CTIF: variants seen among roughly 807,000 people sequenced by gnomAD.
CTIF encodes CBP80/20-dependent translation initiation factor.
In CTIF, 21 loss-of-function variants were observed where a neutral mutation model predicts 66.0. That is an observed-to-expected ratio of 0.32 (90% CI 0.23 to 0.46). The LOEUF (loss-of-function observed/expected upper bound fraction) is 0.46, where lower values mean the gene tolerates loss of function less well. Ranked by LOEUF, CTIF falls within the 20% of genes least tolerant of loss-of-function variation. CTIF has a pLI of 1.00. For synonymous variants in CTIF, 345 were observed against 326.4 expected (o/e 1.06, Z -0.62); for missense variants, 739 against 812.7 (o/e 0.91, Z 1.10).
chr18:48,637,436 C>T (rs551873754), intron 3 of CTIF, among the ~76,000 whole-genome samples: 1 of 152,316 alleles, frequency 6.6e-6, no homozygotes, highest in South Asian at 2.1e-4. Flanking sequence ...AAACATGTGT[C>T]CCCATCCCGA....
chr18:48,663,519 C>G (rs1225523108), intron 3 of CTIF, among the ~76,000 whole-genome samples: 3 of 152,042 alleles, frequency 2.0e-5, no homozygotes, highest in African/African-American at 7.2e-5. Context: ...CCTGGGGCAG[C>G]AGGGGCCTGG....
chr18:48,745,660 C>T (rs1218147257), intron 7 of CTIF, among the ~76,000 whole-genome samples: 6 of 152,212 alleles, frequency 3.9e-5, no homozygotes, highest in African/African-American at 1.4e-4. Flanking sequence ...ACTAGGAGAG[C>T]AGGTCCTTGT....
intron 7 of CTIF, 93 bp downstream of exon 7, chr18:48,711,788 A>G: frequency 1.9e-6 from 2 of 1,069,010 alleles, no homozygotes; most frequent in Non-Finnish European, 2.9e-6. Flanking sequence ...CGCTTTTCCC[A>G]GTCACCAGCT....
At chr18:48,715,203 A>T (rs80258385) in intron 7 of CTIF, among the ~76,000 whole-genome samples, 3,667 of 152,224 alleles carry the variant, frequency 0.024, 141 homozygotes, top group African/African-American at 0.082. Context: ...TCTGCTCCTG[A>T]TGCCATGGGC....
chr18:48,597,549 T>C (rs1339923094), intron 1 of CTIF, among the ~76,000 whole-genome samples: 1 of 151,682 alleles, frequency 6.6e-6, no homozygotes, highest in Admixed American at 6.6e-5. Context: ...TAAAAGTGTG[T>C]GGTACCCTCC....
intron 3 of CTIF, among the ~76,000 whole-genome samples, chr18:48,650,693 C>T (rs150503110): frequency 0.014 from 2,104 of 151,886 alleles, 53 homozygotes; most frequent in African/African-American, 0.048. Flanking sequence ...AAGGTTGAAA[C>T]GAAGGAAAAA....
chr18:48,638,921 G>A lies in CTIF; in HGVS notation c.252+2236G>A, dbSNP rs578219276. Among the ~76,000 whole-genome samples the A allele has an allele frequency of 9.2e-5, 14 of 152,354 alleles. No individual in the cohort carries two copies. The South Asian group carries it at 2.9e-3, about 32-fold the overall frequency. On this transcript the variant is annotated intron_variant, in intron 3 of 11. Coordinates refer to ENST00000256413, the MANE Select transcript of CTIF (RefSeq NM_014772.3). ...CATGCCCAGAGGCAAGGTTTTGTGG[G>A]AGGGACCTCCTACAGGCCTTAGGGG...
chr18:48,815,889 C>G (rs899980945), intron 9 of CTIF, among the ~76,000 whole-genome samples: 60 of 152,048 alleles, frequency 3.9e-4, no homozygotes, highest in African/African-American at 1.4e-3. Context: ...TCACCCAGAC[C>G]AAGAATCTTG....
At chr18:48,580,624 G>T (rs557692185) in intron 1 of CTIF, among the ~76,000 whole-genome samples, 2 of 152,268 alleles carry the variant, frequency 1.3e-5, no homozygotes, top group East Asian at 3.9e-4. Flanking sequence ...AGAAAGTGGG[G>T]TTTTTGACTG....
rs534367286 is a variant in CTIF, at chr18:48,546,291, A to G, written c.-29+6979A>G. Among the ~76,000 whole-genome samples the G allele has an allele frequency of 1.5e-4, 23 of 152,318 alleles. No homozygotes were observed. The Middle Eastern group carries it at 0.01, about 68-fold the overall frequency. On this transcript the variant is annotated intron_variant, in intron 1 of 11. Transcript: ENST00000256413. ...CATGTTTGAATTCTCAGAACCGACA[A>G]TAGTGCCTGGCACATTGTAAGTGTG...
At chr18:48,593,024 G>A (rs963248471) in intron 1 of CTIF, among the ~76,000 whole-genome samples, 3 of 152,208 alleles carry the variant, frequency 2.0e-5, no homozygotes, top group Non-Finnish European at 4.4e-5. Context: ...CTTCAGATGA[G>A]CAGGAACATT....
chr18:48,717,983 C>T (rs2092298078), intron 7 of CTIF, among the ~76,000 whole-genome samples: 1 of 152,186 alleles, frequency 6.6e-6, no homozygotes, highest in African/African-American at 2.4e-5. Flanking sequence ...CTCAAGTGCT[C>T]CTCTCCCGTC....
intron 2 of CTIF, chr18:48,621,643 T>C: frequency 3.2e-6 from 1 of 315,574 alleles, no homozygotes. Context: ...CCAGGCCAGG[T>C]AAGAGGGGCT....
rs779122884 is a variant in CTIF at position 48,862,514 on chromosome 18, C to T, written c.*2955C>T. On this transcript the variant is annotated 3_prime_UTR_variant, in exon 12 of 12. Coordinates refer to ENST00000256413, the MANE Select transcript of CTIF (RefSeq NM_014772.3). ...CTCACCCAGACGAGGCCAGGAGCCC[C>T]GCCACCCTCCACGGGATGTGCACCC... 9 of 152,782 alleles carry T rather than the reference C, an allele frequency of 5.9e-5. No homozygotes were observed. The highest frequency in any genetic ancestry group is 1.4e-4 in the African/African-American group (6 of 41,552). 9.5% of individuals were successfully genotyped at this position (152,782 alleles called of 1,614,324 possible). A position where few individuals can be genotyped will look rare whatever the true frequency, so the allele number is the denominator to read the frequency against.
intron 1 of CTIF, among the ~76,000 whole-genome samples, chr18:48,557,737 G>A (rs539290908): frequency 6.6e-6 from 1 of 152,350 alleles, no homozygotes; most frequent in East Asian, 1.9e-4. Context: ...AGATCACAGT[G>A]CTGGTAAATT....
intron 1 of CTIF, among the ~76,000 whole-genome samples, chr18:48,572,901 G>T (rs2089447133): frequency 6.6e-6 from 1 of 152,156 alleles, no homozygotes; most frequent in African/African-American, 2.4e-5. Context: ...GCCGAGGTGG[G>T]AGGATTAATT....
At chr18:48,748,893 A>C (rs964523230) in intron 7 of CTIF, among the ~76,000 whole-genome samples, 1 of 152,130 alleles carries the variant, frequency 6.6e-6, no homozygotes, top group Non-Finnish European at 1.5e-5. Context: ...CCCCAGACAG[A>C]CCCCTCTGTT....
intron 7 of CTIF, among the ~76,000 whole-genome samples, chr18:48,744,947 C>T (rs2092584124): frequency 6.6e-6 from 1 of 152,092 alleles, no homozygotes; most frequent in Admixed American, 6.5e-5. Flanking sequence ...CTCAGCCTTC[C>T]CAGCAGCTGG....
chr18:48,583,491 A>G (rs556084985), intron 1 of CTIF, among the ~76,000 whole-genome samples: 1 of 152,230 alleles, frequency 6.6e-6, no homozygotes, highest in South Asian at 2.1e-4. Context: ...CTATTTTTAG[A>G]GGGCGCCGAT....
Sources: allele counts gnomAD v4.1 joint callset (sites outside exome capture counted in the v4.1 genomes callset), GRCh38; gene constraint gnomAD v4.1.1; transcripts MANE v1.5; gene names NCBI Gene and HGNC (gene_info 2026-07-23, HGNC 2026-07-21).